SPOCK3: variants seen among roughly 807,000 people sequenced by gnomAD.
SPOCK3 encodes testican-3.
Under a neutral mutation model 56.6 loss-of-function variants are expected in SPOCK3, and 30 were observed. The observed-to-expected ratio is 0.53, with a 90% CI of 0.40 to 0.72. SPOCK3 has a LOEUF of 0.72. Ranked by LOEUF, SPOCK3 falls within the 30% of genes least tolerant of loss-of-function variation. The probability of loss-of-function intolerance (pLI) is 0.00; values close to 1 mark genes in which losing one functional copy is unlikely to be tolerated. For synonymous variants in SPOCK3, 196 were observed against 183.3 expected (o/e 1.07, Z -0.56); for missense variants, 527 against 530.0 (o/e 0.99, Z 0.06).
At chr4:167,159,687 C>T (rs954856978) in intron 2 of SPOCK3, among the ~76,000 whole-genome samples, 29 of 152,142 alleles carry the variant, frequency 1.9e-4, no homozygotes, top group African/African-American at 5.8e-4. Context: ...AAAAGCTTAT[C>T]CACCATGATC....
At chr4:166,837,724 G>A (rs1282323454) in intron 6 of SPOCK3, among the ~76,000 whole-genome samples, 3 of 152,090 alleles carry the variant, frequency 2.0e-5, no homozygotes, top group African/African-American at 7.2e-5. Flanking sequence ...ATAGGAAAAG[G>A]AAAGTCAATT....
Position 167,007,195 on chromosome 4 carries a change from A to G in SPOCK3, c.236-6732T>C, listed in dbSNP as rs1437945633. 6.6e-5 allele frequency among the ~76,000 whole-genome samples: 10 copies of G among 152,328 alleles called. No homozygotes were observed. In the South Asian group the frequency reaches 2.1e-3, roughly 32 times the overall value. ...GGCTCTATTCTTCTGTGGCTAACAC[A>G]GTATATATACAGTCATCCTTTTGTA... is the stretch of plus-strand genomic sequence containing the variant. On this transcript the variant is annotated intron_variant, in intron 3 of 10. Transcript: ENST00000357545.
chr4:166,856,322 T>G (rs1011008445), intron 6 of SPOCK3, among the ~76,000 whole-genome samples: 2 of 152,142 alleles, frequency 1.3e-5, no homozygotes, highest in Non-Finnish European at 2.9e-5. Flanking sequence ...TATTTCAAAA[T>G]AGCTGAGGGA....
intron 6 of SPOCK3, among the ~76,000 whole-genome samples, chr4:166,793,462 A>C (rs1194354346): frequency 6.6e-6 from 1 of 152,212 alleles, no homozygotes; most frequent in East Asian, 1.9e-4. Flanking sequence ...ACAAAATGCA[A>C]AAACATCTCA....
intron 6 of SPOCK3, among the ~76,000 whole-genome samples, chr4:166,868,447 C>A (rs1273599654): frequency 1.3e-5 from 2 of 151,956 alleles, no homozygotes; most frequent in Non-Finnish European, 2.9e-5. Flanking sequence ...CCCTGGGCAA[C>A]ACAGTATGAC....
chr4:167,145,241 T>C (rs911526155), intron 2 of SPOCK3, among the ~76,000 whole-genome samples: 7 of 152,050 alleles, frequency 4.6e-5, no homozygotes, highest in Non-Finnish European at 8.8e-5. Flanking sequence ...ATTTACTGAC[T>C]TGGGAGACTG....
At chr4:167,084,407 T>C (rs1183636873) in intron 2 of SPOCK3, among the ~76,000 whole-genome samples, 1 of 152,164 alleles carries the variant, frequency 6.6e-6, no homozygotes, top group African/African-American at 2.4e-5. Context: ...TTATATTTTT[T>C]CTTCTCTGAG....
Position 166,774,822 on chromosome 4 carries a change from AGCATAGCTCTTT to A in SPOCK3, c.709+17336_709+17347del, listed in dbSNP as rs1401068744. ...CTCCTTATAGGAATGGTGGAATCAT[AGCATAGCTCTTT>A]CCAAAGAAACCTTCTTCACAAATTC... On this transcript the variant is annotated intron_variant, in intron 7 of 10. Coordinates refer to ENST00000357545, the MANE Select transcript of SPOCK3 (RefSeq NM_001040159.2). Among the ~76,000 whole-genome samples, 198 of 152,318 alleles carry A rather than the reference AGCATAGCTCTTT, an allele frequency of 1.3e-3. 2 individuals are homozygous for A. Among genetic ancestry groups the A allele is most frequent in the Non-Finnish European group, 5.0e-4 (34 of 68,020 alleles).
Position 166,919,744 on chromosome 4 carries a change from C to T in SPOCK3, c.351-7001G>A, listed in dbSNP as rs546758655. Among the ~76,000 whole-genome samples, 4 of 152,154 alleles carry T rather than the reference C, an allele frequency of 2.6e-5. No individual in the cohort carries two copies. The South Asian group carries it at 6.2e-4, about 24-fold the overall frequency. Reference sequence around the variant, plus strand: ...AATGGACAAGAAATCTTTATAAACCCGTTTCCAGCAAAATGCAAGCCAACA... The same window carrying T: ...AATGGACAAGAAATCTTTATAAACCTGTTTCCAGCAAAATGCAAGCCAACA... On this transcript the variant is annotated intron_variant, in intron 4 of 10. Coordinates refer to ENST00000357545, the MANE Select transcript of SPOCK3 (RefSeq NM_001040159.2).
chr4:166,823,769 AT>A (rs1745174353), intron 6 of SPOCK3, among the ~76,000 whole-genome samples: 1 of 151,866 alleles, frequency 6.6e-6, no homozygotes, highest in African/African-American at 2.4e-5. Flanking sequence ...GATAACTTCT[AT>A]TTTTTTGCCT....
intron 4 of SPOCK3, among the ~76,000 whole-genome samples, chr4:166,994,715 T>C (rs1252251084): frequency 6.6e-6 from 1 of 152,170 alleles, no homozygotes; most frequent in Non-Finnish European, 1.5e-5. Flanking sequence ...TTTCTGTTTT[T>C]GTAATGCATA....
intron 6 of SPOCK3, among the ~76,000 whole-genome samples, chr4:166,804,902 G>A (rs1180831312): frequency 2.0e-5 from 3 of 152,186 alleles, no homozygotes; most frequent in South Asian, 2.1e-4. Context: ...GTTGTTTCAT[G>A]AGGAAATGTT....
intron 2 of SPOCK3, among the ~76,000 whole-genome samples, chr4:167,085,913 A>T (rs1262138332): frequency 1.3e-5 from 2 of 152,090 alleles, no homozygotes; most frequent in East Asian, 3.9e-4. Context: ...TATTATGGGT[A>T]CTTAATAATA....
intron 7 of SPOCK3, among the ~76,000 whole-genome samples, chr4:166,788,720 C>T (rs1741002010): frequency 6.6e-6 from 1 of 151,514 alleles, no homozygotes; most frequent in African/African-American, 2.4e-5. Context: ...AAAATCATGA[C>T]ATAAGGCAAC....
chr4:166,812,487 A>C (rs755347265), intron 6 of SPOCK3, among the ~76,000 whole-genome samples: 2 of 151,950 alleles, frequency 1.3e-5, no homozygotes, highest in Non-Finnish European at 2.9e-5. Context: ...TCTTAAGGGA[A>C]GTATGCAGGT....
chr4:166,890,360 A>C lies in SPOCK3; in HGVS notation c.475-1116T>G, dbSNP rs151137308. Among the ~76,000 whole-genome samples the C allele has an allele frequency of 1.8e-3, 268 of 152,018 alleles. 1 individual carries two copies. The highest frequency in any genetic ancestry group is 6.1e-3 in the African/African-American group (253 of 41,530). On this transcript the variant is annotated intron_variant, in intron 5 of 10. Coordinates refer to ENST00000357545, the MANE Select transcript of SPOCK3 (RefSeq NM_001040159.2). ...CTCAGCCTCAATTTTCCCATTAAAA[A>C]ATCTGGGATAATGATACCTAATTTC...
At chr4:167,017,873 G>T (rs1750777487) in intron 3 of SPOCK3, among the ~76,000 whole-genome samples, 1 of 151,844 alleles carries the variant, frequency 6.6e-6, no homozygotes, top group South Asian at 2.1e-4. Flanking sequence ...CCAATATTGG[G>T]TGATATTGAT....
At chr4:167,008,146 A>ATAATAGCAAACAC (rs1429707743) in intron 3 of SPOCK3, among the ~76,000 whole-genome samples, 2 of 152,060 alleles carry the variant, frequency 1.3e-5, no homozygotes, top group Non-Finnish European at 2.9e-5. Context: ...CATTAGTATT[A>ATAATAGCAAACAC]TAATAGCAAG....
intron 6 of SPOCK3, among the ~76,000 whole-genome samples, chr4:166,852,040 C>G (rs567426650): frequency 6.6e-6 from 1 of 150,380 alleles, no homozygotes; most frequent in Non-Finnish European, 1.5e-5. Context: ...AGTAAACTAT[C>G]GCAAGAACAA....
Sources: allele counts gnomAD v4.1 joint callset (sites outside exome capture counted in the v4.1 genomes callset), GRCh38; gene constraint gnomAD v4.1.1; transcripts MANE v1.5; gene names NCBI Gene and HGNC (gene_info 2026-07-23, HGNC 2026-07-21).